Variants in RASGRP1 observed in about 807,000 individuals in gnomAD.
RASGRP1 encodes the protein RAS guanyl releasing protein 1.
In RASGRP1, 37 loss-of-function variants were observed where a neutral mutation model predicts 95.1. That is an observed-to-expected ratio of 0.39 (90% confidence interval 0.30 to 0.51). RASGRP1 has a LOEUF of 0.51. Ranked by LOEUF, RASGRP1 falls within the 20% of genes least tolerant of loss-of-function variation. The probability of loss-of-function intolerance (pLI) is 0.80; values close to 1 mark genes in which losing one functional copy is unlikely to be tolerated. For synonymous variants in RASGRP1, 325 were observed against 353.4 expected, an observed-to-expected ratio of 0.92 and a Z score of 0.90; for missense variants, 711 against 965.4, an observed-to-expected ratio of 0.74 and a Z score of 3.49.
intron 2 of RASGRP1, among the ~76,000 whole-genome samples, chr15:38,540,261 G>A (rs1892814015): frequency 6.6e-6 from 1 of 152,138 alleles, no homozygotes; most frequent in South Asian, 2.1e-4. Flanking sequence ...TCCTTCAAGA[G>A]TAAGTAAAAG....
intron 3 of RASGRP1, 49 bp from the exon 4 acceptor site, chr15:38,519,420 C>T (rs55919724): frequency 1.1e-4 from 142 of 1,341,264 alleles, no homozygotes; most frequent in Admixed American, 5.3e-4. Context: ...AGAAACCAAA[C>T]GACTTTTCAT....
chr15:38,510,360 T>A (rs1891454478), intron 8 of RASGRP1, among the ~76,000 whole-genome samples: 1 of 152,186 alleles, frequency 6.6e-6, no homozygotes, highest in Admixed American at 6.5e-5. Context: ...AATGAAGAGG[T>A]GACTAAAGAT....
chr15:38,564,597 G>A lies in RASGRP1; in HGVS notation c.32C>T (p.Pro11Leu). The A allele has an allele frequency of 1.4e-6, 2 of 1,384,122 alleles. No homozygotes were observed. The highest frequency in any genetic ancestry group is 1.9e-6 in the Non-Finnish European group (2 of 1,057,016). The allele number at this position is 1,384,122 out of a possible 1,614,324, so 85.7% of individuals were successfully genotyped here. Residue 11 changes from proline (P) to leucine (L), a missense_variant, in exon 1 of 17, where the codon CCG (proline) becomes CTG (leucine). This residue lies in a region of RASGRP1 where 491 missense variants were observed against 676.6 expected (regional missense o/e 0.73). Coordinates refer to ENST00000310803, the MANE Select transcript of RASGRP1 (RefSeq NM_005739.4). MGTLGKAREAPRKPSHGCRAA... is the reference protein window; with the variant it reads MGTLGKAREALRKPSHGCRAA... ...GGCCACGGCCGCCTCTACTCACCGC[G>A]GAGCCTCTCTCGCCTTGCCCAGGGT...
Position 38,502,311 on chromosome 15 carries a change from C to T in RASGRP1, c.1538+1G>A. ...ACATATTCCTAAGTACAAACCCTCA[C>T]CTGTCTTTGTCCATCACACAGAAGG... is the stretch of plus-strand genomic sequence containing the variant. On this transcript the variant is annotated splice_donor_variant, in intron 12 of 16. Transcript: ENST00000310803. LOFTEE classifies it high-confidence loss of function. 1 of 1,561,418 alleles carries T rather than the reference C, an allele frequency of 6.4e-7. No homozygotes were observed. The highest frequency in any genetic ancestry group is 8.8e-7 in the Non-Finnish European group (1 of 1,132,588).
intron 15 of RASGRP1, among the ~76,000 whole-genome samples, chr15:38,497,634 T>C (rs1284264490): frequency 6.6e-6 from 1 of 152,210 alleles, no homozygotes; most frequent in Non-Finnish European, 1.5e-5. Flanking sequence ...TCTTAGCATA[T>C]ACTCTTGCAT....
At chr15:38,521,680 A>AC (rs2141132339) in intron 3 of RASGRP1, among the ~76,000 whole-genome samples, 1 of 152,206 alleles carries the variant, frequency 6.6e-6, no homozygotes, top group African/African-American at 2.4e-5. Flanking sequence ...GAACCCTCAG[A>AC]CCCCATACCT....
intron 5 of RASGRP1, among the ~76,000 whole-genome samples, 190 bp from the exon 6 acceptor site, chr15:38,516,540 CT>C (rs1891793956): frequency 6.6e-6 from 1 of 152,102 alleles, no homozygotes; most frequent in Admixed American, 6.5e-5. Context: ...TCCAGGAGGT[CT>C]TGCTGGTTTT....
chr15:38,507,144 A>T (rs988821765), intron 9 of RASGRP1, among the ~76,000 whole-genome samples: 2 of 152,228 alleles, frequency 1.3e-5, no homozygotes, highest in Non-Finnish European at 1.5e-5. Context: ...TTATATGTCC[A>T]TAGTCACACA....
rs1166442953 is a variant in RASGRP1, at chr15:38,489,648, A to G, written c.*906T>C. The G allele has an allele frequency of 6.6e-6, 1 of 152,486 alleles. No individual in the cohort carries two copies. Among genetic ancestry groups the G allele is most frequent in the Non-Finnish European group, 1.5e-5 (1 of 67,940 alleles). The allele number at this position is 152,486 out of a possible 1,614,324, so 9.4% of individuals were successfully genotyped here. On this transcript the variant is annotated 3_prime_UTR_variant, in exon 17 of 17. Coordinates refer to ENST00000310803, the MANE Select transcript of RASGRP1 (RefSeq NM_005739.4). ...AGTGAAGACAGTTAAGCACAAATTC[A>G]TTTCAAAAAGAGAACTTTCAAAATA...
intron 2 of RASGRP1, among the ~76,000 whole-genome samples, chr15:38,547,937 G>A (rs1299248249): frequency 3.3e-5 from 5 of 151,224 alleles, no homozygotes; most frequent in Admixed American, 6.6e-5. Flanking sequence ...TCCAACTCCC[G>A]CCTCTGACAG....
At chr15:38,533,693 CAG>C (rs1181435787) in intron 2 of RASGRP1, among the ~76,000 whole-genome samples, 1 of 152,184 alleles carries the variant, frequency 6.6e-6, no homozygotes, top group Non-Finnish European at 1.5e-5. Flanking sequence ...CCTCAAGACT[CAG>C]GGGAGGAGAA....
At chr15:38,501,565 A>ATC (rs1251107859) in intron 12 of RASGRP1, 8 of 536,668 alleles carry the variant, frequency 1.5e-5, no homozygotes, top group Non-Finnish European at 2.8e-5. Flanking sequence ...AAGACTTGAA[A>ATC]AAGAAACAAT....
Position 38,564,691 on chromosome 15 carries a change from C to A in RASGRP1, c.-63G>T. On this transcript the variant is annotated 5_prime_UTR_variant, in exon 1 of 17. Transcript: ENST00000310803. ...GCGGCCGGGCGCGGCGCATCGCCCC[C>A]GCCACCACCGCCGCCGCCTGCCGGC... 8.5e-7 allele frequency: 1 copy of A among 1,182,096 alleles called. No homozygotes were observed. The highest frequency in any genetic ancestry group is 1.0e-6 in the Non-Finnish European group (1 of 953,074). The allele number at this position is 1,182,096 out of a possible 1,614,324, so 73.2% of individuals were successfully genotyped here.
At chr15:38,558,042 G>A (rs1893639991) in intron 2 of RASGRP1, among the ~76,000 whole-genome samples, 2 of 152,096 alleles carry the variant, frequency 1.3e-5, no homozygotes, top group Non-Finnish European at 1.5e-5. Flanking sequence ...TGGAAGGAAG[G>A]AAGGTGGTGT....
intron 2 of RASGRP1, among the ~76,000 whole-genome samples, chr15:38,552,386 T>G (rs1362038551): frequency 6.6e-6 from 1 of 152,222 alleles, no homozygotes; most frequent in Admixed American, 6.5e-5. Context: ...GTAAGCACCC[T>G]CTGTATCTGG....
rs1448478066 is a variant in RASGRP1, at chr15:38,516,500, TCTCCAAATCAGTTTTTTTCCATGGCAGC to T, written c.522-178_522-151del. On this transcript the variant is annotated intron_variant, in intron 5 of 16. Transcript: ENST00000310803. ...GCCAAAACAGTGCATTCACAGAGTT[TCTCCAAATCAGTTTTTTTCCATGGCAGC>T]CTCCAGGAGGTCTTGCTGGTTTTCA... 2.9e-6 allele frequency: 3 copies of T among 1,044,182 alleles called. No individual in the cohort carries two copies. The Admixed American group carries it at 7.9e-5, about 27-fold the overall frequency. 64.7% of individuals were successfully genotyped at this position (1,044,182 alleles called of 1,614,324 possible).
intron 6 of RASGRP1, among the ~76,000 whole-genome samples, chr15:38,513,231 T>TA (rs1348640185): frequency 2.0e-5 from 3 of 152,220 alleles, no homozygotes; most frequent in Non-Finnish European, 2.9e-5. Context: ...CCAAATGCTG[T>TA]ATTTCAGTAG....
intron 2 of RASGRP1, among the ~76,000 whole-genome samples, chr15:38,558,554 T>G (rs938343971): frequency 1.4e-4 from 21 of 152,192 alleles, no homozygotes; most frequent in African/African-American, 4.8e-4. Context: ...CCTGGGAACT[T>G]GTTAGAAATG....
intron 2 of RASGRP1, among the ~76,000 whole-genome samples, chr15:38,541,940 G>A (rs1264479481): frequency 6.6e-6 from 1 of 152,200 alleles, no homozygotes; most frequent in Non-Finnish European, 1.5e-5. Flanking sequence ...GGTAGCATTT[G>A]AGATGGACCT....
Sources: allele counts gnomAD v4.1 joint callset (sites outside exome capture counted in the v4.1 genomes callset), GRCh38; gene constraint gnomAD v4.1.1; regional missense constraint gnomAD v4.1.1; transcripts MANE v1.5; gene names NCBI Gene and HGNC (gene_info 2026-07-23, HGNC 2026-07-21).